The following GNA11 variants were observed in gnomAD, a reference collection of about 807,000 sequenced individuals.
GNA11 encodes guanine nucleotide-binding protein subunit alpha-11.
Under a neutral mutation model 38.2 loss-of-function variants are expected in GNA11, and 8 were observed. The observed-to-expected ratio is 0.21, with a 90% CI of 0.12 to 0.38. The LOEUF is 0.38. Ranked by LOEUF, GNA11 falls within the 10% of genes least tolerant of loss-of-function variation. The pLI, the probability that GNA11 is intolerant of heterozygous loss-of-function variation, is 1.00. For synonymous variants in GNA11, 211 were observed against 221.4 expected (o/e 0.95, Z 0.42); for missense variants, 268 against 516.3 (o/e 0.52, Z 4.66).
chr19:3,113,302 T>G (rs748723499), intron 2 of GNA11, 28 bp from the exon 3 acceptor site: 1 of 1,608,158 alleles, frequency 6.2e-7, no homozygotes, highest in South Asian at 1.1e-5. Context: ...CAGCGAGCTC[T>G]CGACGTCTCC....
chr19:3,120,506 A>C lies in GNA11; in HGVS notation c.890-483A>C. Reference sequence around the variant, plus strand: ...GGAGGGGCAGGGGTGGCCGGTGGGAAGCAGCGCCCCTGCTGGAGCCCCTGG... The same window carrying C: ...GGAGGGGCAGGGGTGGCCGGTGGGACGCAGCGCCCCTGCTGGAGCCCCTGG... On this transcript the variant is annotated intron_variant, in intron 6 of 6. Coordinates refer to ENST00000078429, the MANE Select transcript of GNA11 (RefSeq NM_002067.5). This position sits in a 1 kb window ranked among gnomAD's most constrained non-coding sequence, Gnocchi z 5.9. Among the ~76,000 whole-genome samples the C allele has an allele frequency of 6.6e-6, 1 of 151,866 alleles. No individual in the cohort carries two copies.
chr19:3,094,698 A>G lies in GNA11; in HGVS notation c.47A>G (p.Lys16Arg). 1 of 1,582,958 alleles carries G rather than the reference A, an allele frequency of 6.3e-7. No individual in the cohort carries two copies. Among genetic ancestry groups the G allele is most frequent in the Non-Finnish European group, 8.6e-7 (1 of 1,166,466 alleles). Reference protein sequence around the residue: ...MMACCLSDEVKESKRINAEIE... With the variant: ...MMACCLSDEVRESKRINAEIE... ...GCGTGTTGCCTGAGCGATGAGGTGA[A>G]GGAGTCCAAGCGGATCAACGCCGAG... The change falls in exon 1 of 7, where the codon AAG (lysine) becomes AGG (arginine). Residue 16 changes from lysine to arginine, a missense_variant. By Grantham distance (26) the Lys-to-Arg change is conservative (BLOSUM62 2). Around this residue, in one of 3 missense-constraint regions of GNA11, gnomAD observed 151 missense variants for 254.0 expected, o/e 0.59. Coordinates refer to ENST00000078429, the MANE Select transcript of GNA11 (RefSeq NM_002067.5). This position sits in a 1 kb window ranked among gnomAD's most constrained non-coding sequence, Gnocchi z 6.0.
In GNA11 at chr19:3,096,653, G is replaced by C. The variant is rs1268536755; in HGVS notation, c.136+1866G>C. On this transcript the variant is annotated intron_variant, in intron 1 of 6. Transcript: ENST00000078429. The stretch of plus-strand genomic sequence containing the variant: ...GCCCTTCCCGCATCCTCTGTCCAGT[G>C]CCCGCCTGTGGCCCGGGGGTGTCTG... Among the ~76,000 whole-genome samples the C allele has an allele frequency of 3.3e-5, 5 of 152,290 alleles. No homozygotes were observed. The East Asian group carries it at 9.7e-4, about 30-fold the overall frequency.
intron 2 of GNA11, among the ~76,000 whole-genome samples, chr19:3,112,514 A>G (rs1913799140): frequency 6.6e-6 from 1 of 152,202 alleles, no homozygotes; most frequent in Admixed American, 6.5e-5. Flanking sequence ...GGACGGGGAC[A>G]CAGAGCATCA....
At position 3,121,365 on chromosome 19, in the gene GNA11, C is replaced by T; in HGVS notation, c.*186C>T. On this transcript the variant is annotated 3_prime_UTR_variant, in exon 7 of 7. Transcript: ENST00000078429. ...CACAGTTATCAGGGGATGTACATCT[C>T]TCCCTCCGTACACTTCGCGCACCTT... is the stretch of plus-strand genomic sequence containing the variant. 1.8e-6 allele frequency: 1 copy of T among 553,920 alleles called. No individual in the cohort carries two copies. 34.3% of individuals were successfully genotyped at this position (553,920 alleles called of 1,614,324 possible).
intron 1 of GNA11, among the ~76,000 whole-genome samples, chr19:3,109,396 C>T (rs1466438086): frequency 7.2e-5 from 11 of 152,182 alleles, no homozygotes; most frequent in Non-Finnish European, 1.5e-5. Flanking sequence ...TCCTTTTCAT[C>T]CTCTGGGGCC....
At chr19:3,095,630 G>C (rs1247016717) in intron 1 of GNA11, among the ~76,000 whole-genome samples, 1 of 152,054 alleles carries the variant, frequency 6.6e-6, no homozygotes, top group African/African-American at 2.4e-5. Flanking sequence ...CTCTTGGCTG[G>C]AATGCACCCT....
intron 1 of GNA11, among the ~76,000 whole-genome samples, chr19:3,102,405 G>A (rs568333555): frequency 2.9e-4 from 44 of 152,344 alleles, no homozygotes; most frequent in Middle Eastern, 3.4e-3. Context: ...GAGTTTCGGG[G>A]CAGCTCTTTC....
intron 1 of GNA11, among the ~76,000 whole-genome samples, chr19:3,106,229 G>T (rs1913636008): frequency 6.6e-6 from 1 of 152,154 alleles, no homozygotes; most frequent in Non-Finnish European, 1.5e-5. Flanking sequence ...CCCAGCCGCG[G>T]GGTGTGAGGT....
intron 1 of GNA11, among the ~76,000 whole-genome samples, chr19:3,098,741 T>G (rs936660705): frequency 2.0e-5 from 3 of 152,176 alleles, no homozygotes; most frequent in Non-Finnish European, 4.4e-5. Context: ...GCGTGGCCTC[T>G]GGCGCCTGGC....
chr19:3,103,519 C>CTTTTTTTTTTTTTTTTTT lies in GNA11; in HGVS notation c.137-6616_137-6599dup, dbSNP rs760497682. ...TGAGCCACTGCGCCCGGCCTTGAAT[C>CTTTTTTTTTTTTTTTTTT]TTTTTTTTTTTTTTTTTTTTTTTTT... is the stretch of plus-strand genomic sequence containing the variant. On this transcript the variant is annotated intron_variant, in intron 1 of 6. Transcript: ENST00000078429. Among the ~76,000 whole-genome samples, 5 of 45,814 alleles carry CTTTTTTTTTTTTTTTTTT rather than the reference C, an allele frequency of 1.1e-4. 1 individual carries two copies. Among genetic ancestry groups the CTTTTTTTTTTTTTTTTTT allele is most frequent in the Admixed American group, 3.5e-4 (1 of 2,876 alleles). 30.1% of individuals were successfully genotyped at this position (45,814 alleles called of 152,430 possible).
rs930508214 is a variant in GNA11 at position 3,121,994 on chromosome 19, C to T, written c.*815C>T. ...ACGGGGGCTTCTCTGGGCTGTGCCT[C>T]CGGGGCCAACACTGGCTGCTTGGGG... On this transcript the variant is annotated 3_prime_UTR_variant, in exon 7 of 7. Transcript: ENST00000078429. 1 of 233,282 alleles carries T rather than the reference C, an allele frequency of 4.3e-6. No individual in the cohort carries two copies. Among genetic ancestry groups the T allele is most frequent in the African/African-American group, 2.2e-5 (1 of 45,326 alleles). 14.5% of individuals were successfully genotyped at this position (233,282 alleles called of 1,614,324 possible). A position where few individuals can be genotyped will look rare whatever the true frequency, so the allele number is the denominator to read the frequency against.
intron 1 of GNA11, among the ~76,000 whole-genome samples, chr19:3,098,126 C>A (rs1420937878): frequency 2.0e-5 from 3 of 152,238 alleles, no homozygotes; most frequent in African/African-American, 7.2e-5. Flanking sequence ...TGTGAATTCA[C>A]TACTCAGTGT....
intron 1 of GNA11, among the ~76,000 whole-genome samples, chr19:3,098,900 T>C (rs1913435060): frequency 6.6e-6 from 1 of 152,198 alleles, no homozygotes; most frequent in South Asian, 2.1e-4. Flanking sequence ...TGTGTTTACA[T>C]GTAATCAGTT....
Position 3,094,882 on chromosome 19 carries a change from C to T in GNA11, c.136+95C>T, listed in dbSNP as rs928214202. ...CGGGCCGGGACCCTCCGGGGTCAGC[C>T]CTGCCTGTGCCGTCCGGGTCGCGAG... On this transcript the variant is annotated intron_variant, in intron 1 of 6. Transcript: ENST00000078429. This position sits in a 1 kb window ranked among gnomAD's most constrained non-coding sequence, Gnocchi z 6.0. 6.7e-6 allele frequency: 6 copies of T among 895,782 alleles called. No individual in the cohort carries two copies. The highest frequency in any genetic ancestry group is 9.3e-6 in the Non-Finnish European group (6 of 647,506). 55.5% of individuals were successfully genotyped at this position (895,782 alleles called of 1,614,324 possible).
chr19:3,117,148 G>A (rs1386536149), intron 4 of GNA11: 2 of 152,274 alleles, frequency 1.3e-5, no homozygotes, highest in Non-Finnish European at 2.9e-5. Context: ...GAGAATTCAA[G>A]TTTTTCTTCT....
At chr19:3,106,225 C>T (rs1020307761) in intron 1 of GNA11, among the ~76,000 whole-genome samples, 5 of 152,170 alleles carry the variant, frequency 3.3e-5, no homozygotes, top group Middle Eastern at 3.4e-3. Flanking sequence ...GAGCCCCAGC[C>T]GCGGGGTGTG....
chr19:3,119,621 G>T lies in GNA11; in HGVS notation c.889+262G>T, dbSNP rs932303825. Reference sequence around the variant, plus strand: ...GGACTCCTTATACAGGAGGGGTCTCGGGTGGGAGGGGTCTCGGGCAGGGGG... The same window carrying T: ...GGACTCCTTATACAGGAGGGGTCTCTGGTGGGAGGGGTCTCGGGCAGGGGG... On this transcript the variant is annotated intron_variant, in intron 6 of 6. Transcript: ENST00000078429. This position sits in a 1 kb window ranked among gnomAD's most constrained non-coding sequence, Gnocchi z 4.6. Among the ~76,000 whole-genome samples, 1 of 151,028 alleles carries T rather than the reference G, an allele frequency of 6.6e-6. No homozygotes were observed. The highest frequency in any genetic ancestry group is 2.4e-5 in the African/African-American group (1 of 41,030).
At chr19:3,103,757 G>T (rs936679411) in intron 1 of GNA11, among the ~76,000 whole-genome samples, 1 of 150,964 alleles carries the variant, frequency 6.6e-6, no homozygotes, top group Non-Finnish European at 1.5e-5. Flanking sequence ...AGGCTGGAGT[G>T]CAGTGGCACG....
Sources: allele counts gnomAD v4.1 joint callset (sites outside exome capture counted in the v4.1 genomes callset), GRCh38; gene constraint gnomAD v4.1.1; regional missense constraint gnomAD v4.1.1; non-coding constraint Gnocchi (gnomAD v3.1); transcripts MANE v1.5; gene names NCBI Gene and HGNC (gene_info 2026-07-23, HGNC 2026-07-21).